Variants in TMEM178B observed in about 807,000 individuals in gnomAD.
TMEM178B encodes the protein transmembrane protein 178B.
In TMEM178B, 5 loss-of-function variants were observed where a neutral mutation model predicts 31.0. That is an observed-to-expected ratio of 0.16 (90% CI 0.08 to 0.34). TMEM178B has a LOEUF of 0.34. TMEM178B is among the 10% of genes least tolerant of loss of function. TMEM178B has a pLI of 1.00. For missense variants in TMEM178B, 275 were observed against 400.3 expected (o/e 0.69, Z 2.67); for synonymous variants, 164 against 164.0 (o/e 1.00, Z 0.00).
chr7:141,397,785 A>G (rs139239589), intron 2 of TMEM178B, among the ~76,000 whole-genome samples: 11 of 152,340 alleles, frequency 7.2e-5, no homozygotes, highest in East Asian at 1.9e-4. Flanking sequence ...CTATATTCCA[A>G]TTCCTCATGT....
At chr7:141,451,200 A>C (rs950621288) in intron 3 of TMEM178B, among the ~76,000 whole-genome samples, 8 of 152,214 alleles carry the variant, frequency 5.3e-5, no homozygotes, top group Admixed American at 6.5e-5. Context: ...AGTCAGACTC[A>C]AAAGTTCTGC....
chr7:141,255,752 G>A (rs891798770), intron 2 of TMEM178B, among the ~76,000 whole-genome samples: 1 of 151,776 alleles, frequency 6.6e-6, no homozygotes, highest in Non-Finnish European at 1.5e-5. Context: ...ACAGGGTCTC[G>A]CTATGATGCC....
intron 2 of TMEM178B, among the ~76,000 whole-genome samples, chr7:141,419,882 T>G (rs1801171690): frequency 6.6e-6 from 1 of 152,198 alleles, no homozygotes. Flanking sequence ...CAGCATGTTA[T>G]AATAATTACG....
intron 2 of TMEM178B, among the ~76,000 whole-genome samples, chr7:141,348,394 T>C (rs1799656069): frequency 6.6e-6 from 1 of 152,158 alleles, no homozygotes; most frequent in African/African-American, 2.4e-5. Flanking sequence ...CTGGGCTTTT[T>C]TGGGGAGAAG....
intron 2 of TMEM178B, among the ~76,000 whole-genome samples, chr7:141,433,590 G>A (rs544122996): frequency 2.6e-5 from 4 of 152,002 alleles, no homozygotes; most frequent in East Asian, 1.9e-4. Flanking sequence ...TTTTTCAATC[G>A]GCCGTTATAA....
the TMEM178B span, among the ~76,000 whole-genome samples, chr7:141,491,699 A>C: frequency 6.6e-6 from 1 of 152,222 alleles, no homozygotes; most frequent in African/African-American, 2.4e-5. Context: ...AAGGTCACAT[A>C]GGAAGCGGGG....
intron 2 of TMEM178B, among the ~76,000 whole-genome samples, chr7:141,369,351 GTGT>G (rs1563163932): frequency 1.4e-5 from 2 of 146,166 alleles, no homozygotes; most frequent in Non-Finnish European, 3.0e-5. Context: ...GTGTGTGTGT[GTGT>G]GTGTATGTGT....
chr7:141,422,585 A>G lies in TMEM178B; in HGVS notation c.497-15023A>G, dbSNP rs944403072. Among the ~76,000 whole-genome samples the G allele has an allele frequency of 3.9e-5, 6 of 152,076 alleles. No individual in the cohort carries two copies. Among genetic ancestry groups the G allele is most frequent in the African/African-American group, 1.4e-4 (6 of 41,410 alleles). On this transcript the variant is annotated intron_variant, in intron 2 of 3. Coordinates refer to ENST00000565468, the MANE Select transcript of TMEM178B (RefSeq NM_001195278.2). The surrounding 1 kb of genome is among the most constrained non-coding windows in gnomAD (Gnocchi z 4.2). ...CTGTGTTGGCTCTGTTGCCAGAGGC[A>G]GCATGAAACAGCCTCTGGCCTCATT...
chr7:141,351,802 G>C (rs1799728062), intron 2 of TMEM178B, among the ~76,000 whole-genome samples: 1 of 152,198 alleles, frequency 6.6e-6, no homozygotes, highest in Non-Finnish European at 1.5e-5. Flanking sequence ...CACTGAACCA[G>C]GTATTTTTTA....
chr7:141,269,393 C>T (rs973768915), intron 2 of TMEM178B, among the ~76,000 whole-genome samples: 5 of 152,012 alleles, frequency 3.3e-5, no homozygotes, highest in Non-Finnish European at 5.9e-5. Context: ...CTGTGCCTGG[C>T]CTTTGTTTCC....
chr7:141,239,652 G>C (rs1447388325), intron 2 of TMEM178B, among the ~76,000 whole-genome samples: 1 of 152,268 alleles, frequency 6.6e-6, no homozygotes, highest in African/African-American at 2.4e-5. Flanking sequence ...CCCACCACAG[G>C]GGGTGATGAG....
At chr7:141,088,254 G>T (rs1271594136) in intron 1 of TMEM178B, among the ~76,000 whole-genome samples, 1 of 151,932 alleles carries the variant, frequency 6.6e-6, no homozygotes, top group Non-Finnish European at 1.5e-5. Context: ...TGGCTTCTCT[G>T]CTTGCCTGGC....
intron 1 of TMEM178B, among the ~76,000 whole-genome samples, chr7:141,100,054 C>T (rs1795029234): frequency 1.3e-5 from 2 of 152,060 alleles, no homozygotes; most frequent in African/African-American, 2.4e-5. Context: ...CTCCTGACCT[C>T]GTGATCCGCC....
At chr7:141,333,922 G>A (rs956474198) in intron 2 of TMEM178B, among the ~76,000 whole-genome samples, 1 of 152,252 alleles carries the variant, frequency 6.6e-6, no homozygotes, top group African/African-American at 2.4e-5. Context: ...TCTGACAGGA[G>A]GTAGAGCTCT....
Position 141,074,651 on chromosome 7 carries a change from G to C in TMEM178B, c.341G>C (p.Arg114Pro), listed in dbSNP as rs1182084401. 5 of 1,523,712 alleles carry C rather than the reference G, an allele frequency of 3.3e-6. No homozygotes were observed. Among genetic ancestry groups the C allele is most frequent in the Non-Finnish European group, 3.5e-6 (4 of 1,137,452 alleles). The allele number at this position is 1,523,712 out of a possible 1,614,324, so 94.4% of individuals were successfully genotyped here. ...TNMGLWRKCH[R>P]QGFDPEIAAL... ...ATGGGCCTCTGGAGGAAGTGCCACC[G>C]GCAGGGCTTCGACCCCGAGATCGCC... The change falls in exon 1 of 4, where the codon CGG becomes CCG. Residue 114 changes from arginine to proline, a missense_variant. Coordinates refer to ENST00000565468, the MANE Select transcript of TMEM178B (RefSeq NM_001195278.2). The surrounding 1 kb of genome is among the most constrained non-coding windows in gnomAD (Gnocchi z 5.1).
At chr7:141,261,120 T>A (rs1798005283) in intron 2 of TMEM178B, among the ~76,000 whole-genome samples, 1 of 152,344 alleles carries the variant, frequency 6.6e-6, no homozygotes, top group East Asian at 1.9e-4. Flanking sequence ...AATTAATGAA[T>A]GTATTGCTTG....
intron 2 of TMEM178B, among the ~76,000 whole-genome samples, chr7:141,338,145 A>AT (rs1167688696): frequency 6.6e-6 from 1 of 152,110 alleles, no homozygotes; most frequent in Non-Finnish European, 1.5e-5. Context: ...CCGATTTGAT[A>AT]TTTTTTAAAG....
At chr7:141,254,173 G>A (rs1176275397) in intron 2 of TMEM178B, among the ~76,000 whole-genome samples, 3 of 152,202 alleles carry the variant, frequency 2.0e-5, no homozygotes, top group African/African-American at 7.2e-5. Flanking sequence ...GAAATAACCA[G>A]TTTCTCTCTT....
intron 2 of TMEM178B, among the ~76,000 whole-genome samples, chr7:141,423,805 GT>G (rs5888005): frequency 0.17 from 18,242 of 108,598 alleles, 697 homozygotes; most frequent in South Asian, 0.31. Context: ...TGACATTTGT[GT>G]TTTTTTTTTT....
Sources: gnomAD v4.1 joint callset for allele counts (sites outside exome capture counted in the v4.1 genomes callset) on GRCh38, gnomAD v4.1.1 for gene constraint, Gnocchi (gnomAD v3.1) non-coding constraint, MANE v1.5 for transcripts, NCBI Gene and HGNC (gene_info 2026-07-23, HGNC 2026-07-21) for gene names.